LRP2: variants seen among roughly 807,000 people sequenced by gnomAD.
The protein encoded by LRP2 is LDL receptor related protein 2.
A neutral mutation model predicts 531.0 loss-of-function variants in LRP2; 172 were observed. The observed-to-expected ratio is 0.32, with a 90% CI of 0.29 to 0.37. The LOEUF (loss-of-function observed/expected upper bound fraction) is 0.37, where lower values mean the gene tolerates loss of function less well. Ranked by LOEUF, LRP2 falls within the 10% of genes least tolerant of loss-of-function variation. The probability of loss-of-function intolerance (pLI) is 1.00; values close to 1 mark genes in which losing one functional copy is unlikely to be tolerated. For synonymous variants in LRP2, 1,992 were observed against 2,027.6 expected (o/e 0.98, Z 0.47); for missense variants, 5,167 against 5,868.3 (o/e 0.88, Z 3.90).
intron 2 of LRP2, among the ~76,000 whole-genome samples, 190 bp downstream of exon 2, chr2:169,320,587 A>G (rs1007061831): frequency 6.6e-6 from 1 of 152,224 alleles, no homozygotes; most frequent in Non-Finnish European, 1.5e-5. Flanking sequence ...TTGAACCCCT[A>G]CCTCAGAAGG....
At chr2:169,315,006 C>T (rs1313281196) in intron 3 of LRP2, among the ~76,000 whole-genome samples, 1 of 152,180 alleles carries the variant, frequency 6.6e-6, no homozygotes, top group Non-Finnish European at 1.5e-5. Flanking sequence ...ATTACCTTGG[C>T]TTTCTTCTTT....
At chr2:169,360,128 C>CAAAAAAAAAAAAAAAAAA (rs67818940) in intron 1 of LRP2, among the ~76,000 whole-genome samples, 6 of 105,036 alleles carry the variant, frequency 5.7e-5, no homozygotes, top group African/African-American at 2.5e-4. Context: ...CTGTCTCTCT[C>CAAAAAAAAAAAAAAAAAA]AAAAAAAAAA....
At chr2:169,361,134 G>T (rs571125285) in intron 1 of LRP2, among the ~76,000 whole-genome samples, 1 of 152,064 alleles carries the variant, frequency 6.6e-6, no homozygotes, top group Non-Finnish European at 1.5e-5. Flanking sequence ...GGAAAGGGGG[G>T]ACTCTCCCAT....
chr2:169,134,754 G>A (rs1685432812), intron 76 of LRP2, among the ~76,000 whole-genome samples: 1 of 152,040 alleles, frequency 6.6e-6, no homozygotes, highest in Admixed American at 6.6e-5. Flanking sequence ...CCATGCAAGA[G>A]GTTTCCTCAC....
intron 1 of LRP2, among the ~76,000 whole-genome samples, chr2:169,348,903 T>C (rs1685768603): frequency 6.6e-6 from 1 of 152,140 alleles, no homozygotes; most frequent in Non-Finnish European, 1.5e-5. Context: ...TTCCTTTTTC[T>C]CCATCAGGAC....
rs1574210518 is a variant in LRP2 at position 169,275,330 on chromosome 2, G to A, written c.1773-92C>T. ...GTTAGTTCAATTAAATGCCTGAAAA[G>A]CTAAATAATTTCTTGTCACAAATAC... On this transcript the variant is annotated intron_variant, in intron 13 of 78. Coordinates refer to ENST00000649046, the MANE Select transcript of LRP2 (RefSeq NM_004525.3). The A allele has an allele frequency of 5.3e-6, 5 of 947,550 alleles. No homozygotes were observed. The South Asian group carries it at 7.0e-5, about 13-fold the overall frequency. 58.7% of individuals were successfully genotyped at this position (947,550 alleles called of 1,614,324 possible). A position where few individuals can be genotyped will look rare whatever the true frequency, so the allele number is the denominator to read the frequency against.
chr2:169,246,696 G>C lies in LRP2; in HGVS notation c.3190+9C>G. 1 of 1,614,078 alleles carries C rather than the reference G, an allele frequency of 6.2e-7. No individual in the cohort carries two copies. The highest frequency in any genetic ancestry group is 8.5e-7 in the Non-Finnish European group (1 of 1,179,948). On this transcript the variant is annotated intron_variant, in intron 21 of 78. Coordinates refer to ENST00000649046, the MANE Select transcript of LRP2 (RefSeq NM_004525.3). Reference sequence around the variant, plus strand: ...TCCCAGGAAATATCGCCAGTGCATAGCTACTTACTAAGTGTGCCACATAGT... The same window carrying C: ...TCCCAGGAAATATCGCCAGTGCATACCTACTTACTAAGTGTGCCACATAGT...
Position 169,182,350 on chromosome 2 carries a change from C to T in LRP2, c.9846-31G>A, listed in dbSNP as rs772901259. On this transcript the variant is annotated intron_variant, in intron 50 of 78. Transcript: ENST00000649046. The stretch of plus-strand genomic sequence containing the variant: ...ATGGAGAGCCAGGAGTTAACCAATA[C>T]AGTCACTTTGTGAAATGGTACATAT... 3.1e-6 allele frequency: 5 copies of T among 1,611,358 alleles called. No individual in the cohort carries two copies. The African/African-American group carries it at 5.3e-5, about 17-fold the overall frequency.
At chr2:169,181,209 A>T (rs746995879) in intron 52 of LRP2, among the ~76,000 whole-genome samples, 2 of 152,218 alleles carry the variant, frequency 1.3e-5, no homozygotes, top group Non-Finnish European at 2.9e-5. Flanking sequence ...ATAAAAAAAC[A>T]ATAAGAAGTG....
At chr2:169,243,293 C>T (rs1264312155) in intron 23 of LRP2, 110 bp downstream of exon 23, 17 of 1,331,090 alleles carry the variant, frequency 1.3e-5, no homozygotes, top group Non-Finnish European at 1.6e-5. Context: ...TCTAGCTCCC[C>T]ACCCCCCAAC....
chr2:169,238,265 G>T lies in LRP2; in HGVS notation c.4332C>A (p.Asn1444Lys). The change falls in exon 27 of 79, where the codon AAC (asparagine) becomes AAA (lysine). Residue 1444 changes from asparagine (N) to lysine (K), a missense_variant. This residue lies in a region of LRP2 where 2,811 missense variants were observed against 3,058.0 expected (regional missense o/e 0.92). Transcript: ENST00000649046. Reference sequence around the variant, plus strand: ...AGGTGACACTGTCGGCAATAATTTTGTTCTGACTTGCCACAAGTAACAGCA... The same window carrying T: ...AGGTGACACTGTCGGCAATAATTTTTTTCTGACTTGCCACAAGTAACAGCA... ...ESLLLLVASQ[N>K]KIIADSVTSQ... The T allele has an allele frequency of 1.9e-6, 3 of 1,614,122 alleles. No individual in the cohort carries two copies. The highest frequency in any genetic ancestry group is 2.5e-6 in the Non-Finnish European group (3 of 1,180,000).
rs1337743981 is a variant in LRP2, at chr2:169,220,474, T to C, written c.5628A>G (p.Ile1876Met). 24 of 1,613,368 alleles carry C rather than the reference T, an allele frequency of 1.5e-5. No homozygotes were observed. Among genetic ancestry groups the C allele is most frequent in the Non-Finnish European group, 2.0e-5 (24 of 1,179,538 alleles). ...TALGVGFPIG[I>M]TVDPARGKLY... ...CTCACCCACGAGCAGGATCAACAGT[T>C]ATGCCAATTGGAAAGCCAACTCCAA... Residue 1876 changes from isoleucine (I) to methionine (M), a missense_variant, in exon 34 of 79, where the codon ATA becomes ATG. By Grantham distance (10) the Ile-to-Met change is conservative. Coordinates refer to ENST00000649046, the MANE Select transcript of LRP2 (RefSeq NM_004525.3).
intron 4 of LRP2, among the ~76,000 whole-genome samples, chr2:169,298,718 A>G (rs559014440): frequency 2.3e-4 from 35 of 152,204 alleles, no homozygotes; most frequent in African/African-American, 8.4e-4. Context: ...CATAGTTAAC[A>G]AAGTACTTCA....
chr2:169,218,906 T>C (rs1688889326), intron 34 of LRP2, among the ~76,000 whole-genome samples: 2 of 152,144 alleles, frequency 1.3e-5, no homozygotes, highest in South Asian at 4.1e-4. Context: ...CTTCCTCCCA[T>C]CTTCTGCCCA....
chr2:169,170,256 A>G (rs1216321778), intron 59 of LRP2, among the ~76,000 whole-genome samples: 2 of 152,180 alleles, frequency 1.3e-5, no homozygotes, highest in Non-Finnish European at 1.5e-5. Context: ...AGCAAGATCA[A>G]TGTCTTTGTT....
intron 63 of LRP2, among the ~76,000 whole-genome samples, chr2:169,160,836 C>G (rs1187314024): frequency 6.6e-6 from 1 of 152,144 alleles, no homozygotes; most frequent in Non-Finnish European, 1.5e-5. Context: ...AATATTTTAT[C>G]AAGTCACTTC....
intron 29 of LRP2, among the ~76,000 whole-genome samples, chr2:169,234,470 A>G (rs1689528109): frequency 6.6e-6 from 1 of 152,262 alleles, no homozygotes; most frequent in African/African-American, 2.4e-5. Context: ...TGCAAAGGAC[A>G]TGAACTCATT....
chr2:169,263,320 G>T (rs1319190114), intron 16 of LRP2, among the ~76,000 whole-genome samples: 2 of 152,010 alleles, frequency 1.3e-5, no homozygotes, highest in Admixed American at 6.5e-5. Flanking sequence ...CCCACAAAAT[G>T]GGAGAAAATA....
Position 169,185,908 on chromosome 2 carries a change from T to C in LRP2, c.9440A>G (p.Lys3147Arg). 6.2e-7 allele frequency: 1 copy of C among 1,613,980 alleles called. No individual in the cohort carries two copies. The stretch of plus-strand genomic sequence containing the variant: ...TTCATCAATATCAACACAAGTCCGC[T>C]TGTCAGACATGAGCTTGTAACCAGG... ...CRPGYKLMSD[K>R]RTCVDIDECT... Residue 3147 changes from lysine to arginine, a missense_variant, in exon 50 of 79, where the codon AAG (lysine) becomes AGG (arginine). Lys to Arg is a conservative substitution (Grantham distance 26, BLOSUM62 2). Coordinates refer to ENST00000649046, the MANE Select transcript of LRP2 (RefSeq NM_004525.3).
Sources: allele counts gnomAD v4.1 joint callset (sites outside exome capture counted in the v4.1 genomes callset), GRCh38; gene constraint gnomAD v4.1.1; regional missense constraint gnomAD v4.1.1; transcripts MANE v1.5; gene names NCBI Gene and HGNC (gene_info 2026-07-23, HGNC 2026-07-21).